WDR81: variants seen among roughly 807,000 people sequenced by gnomAD.
The protein encoded by WDR81 is WD repeat-containing protein 81.
Under a neutral mutation model 140.8 loss-of-function variants are expected in WDR81, and 92 were observed. That is an observed-to-expected ratio of 0.65 (90% CI 0.55 to 0.78). WDR81 has a LOEUF of 0.78. Ranked by LOEUF, WDR81 falls within the 30% of genes least tolerant of loss-of-function variation. The probability of loss-of-function intolerance (pLI) is 0.00; values close to 1 mark genes in which losing one functional copy is unlikely to be tolerated. For missense variants in WDR81, 2,502 were observed against 2,636.4 expected (o/e 0.95, Z 1.12); for synonymous variants, 1,183 against 1,156.4 (o/e 1.02, Z -0.47).
rs760895795 is a variant in WDR81, at chr17:1,737,466, C to T, written c.5607C>T (p.Ser1869=). 56 of 1,613,154 alleles carry T rather than the reference C, an allele frequency of 3.5e-5. No individual in the cohort carries two copies. The highest frequency in any genetic ancestry group is 4.4e-5 in the Non-Finnish European group (52 of 1,179,990). Residue 1869 remains serine (S), a synonymous_variant, in exon 10 of 10, where the codon TCC becomes TCT. Coordinates refer to ENST00000409644, the MANE Select transcript of WDR81 (RefSeq NM_001163809.2). ...CCACCCATCACTACAAGTCAGCATC[C>T]GACCCCATCCACACCTTTGACCTGT... is the stretch of plus-strand genomic sequence containing the variant. ...QKPTHHYKSA[S]DPIHTFDLYG...
At chr17:1,719,182 C>T (rs545890599) in intron 1 of WDR81, among the ~76,000 whole-genome samples, 1 of 152,372 alleles carries the variant, frequency 6.6e-6, no homozygotes, top group Non-Finnish European at 1.5e-5. Context: ...AATTTCCCCT[C>T]ATCTACAACA....
chr17:1,734,189 G>A lies in WDR81; in HGVS notation c.5152G>A (p.Ala1718Thr), dbSNP rs751023754. Reference protein sequence around the residue: ...APQHVVSCDGAVHVWDPFTGK... With the variant: ...APQHVVSCDGTVHVWDPFTGK... The stretch of plus-strand genomic sequence containing the variant: ...GCAGCACGTGGTGAGCTGTGACGGG[G>A]CTGTGCACGTCTGGGACCCCTTCAC... The change falls in exon 7 of 10, where the codon GCT (alanine) becomes ACT (threonine). Residue 1718 changes from alanine (A) to threonine (T), a missense_variant. Ala to Thr is a moderately conservative substitution (Grantham distance 58). Around this residue, in one of 3 missense-constraint regions of WDR81, gnomAD observed 1,737 missense variants for 1,843.0 expected, o/e 0.94. Transcript: ENST00000409644. 5.6e-6 allele frequency: 9 copies of A among 1,594,432 alleles called. No individual in the cohort carries two copies. Among genetic ancestry groups the A allele is most frequent in the East Asian group, 2.2e-5 (1 of 44,804 alleles).
chr17:1,728,424 A>C lies in WDR81; in HGVS notation c.3465A>C (p.Glu1155Asp). The C allele has an allele frequency of 6.2e-7, 1 of 1,612,426 alleles. No homozygotes were observed. The highest frequency in any genetic ancestry group is 8.5e-7 in the Non-Finnish European group (1 of 1,179,520). The change falls in exon 1 of 10, where the codon GAA becomes GAC. Residue 1155 changes from glutamate to aspartate, a missense_variant. Coordinates refer to ENST00000409644, the MANE Select transcript of WDR81 (RefSeq NM_001163809.2). ...AGCAAAGCGAGGGCTCCGAGGAGGAAGAGGAGGAGGAGGACAGCTGCGTGG... is the reference window on the plus strand; with the variant it reads ...AGCAAAGCGAGGGCTCCGAGGAGGACGAGGAGGAGGAGGACAGCTGCGTGG... The part of the protein sequence containing the change: ...DLKQSEGSEE[E>D]EEEEDSCVVL...
Position 1,737,520 on chromosome 17 carries a change from G to A in WDR81, c.5661G>A (p.Val1887=), listed in dbSNP as rs1471421026. The change falls in exon 10 of 10, where the codon GTG becomes GTA. Residue 1887 remains valine (V), a synonymous_variant. Transcript: ENST00000409644. The part of the protein sequence containing the change: ...LYGSEVVTGT[V]SNKIGVCSLL... Reference sequence around the variant, plus strand: ...GCAGCGAGGTGGTCACTGGCACCGTGTCCAACAAGATTGGCGTCTGCTCCC... The same window carrying A: ...GCAGCGAGGTGGTCACTGGCACCGTATCCAACAAGATTGGCGTCTGCTCCC... 6.2e-7 allele frequency: 1 copy of A among 1,613,098 alleles called. No individual in the cohort carries two copies. The highest frequency in any genetic ancestry group is 2.2e-5 in the East Asian group (1 of 44,888).
chr17:1,727,638 G>A lies in WDR81; in HGVS notation c.2679G>A (p.Glu893=). Residue 893 remains glutamate, a synonymous_variant, in exon 1 of 10, where the codon GAG becomes GAA. Transcript: ENST00000409644. ...TCCTGTACCAGGCAAGGCGTGTGGA[G>A]GACGAGGCCCAGGGGCGCGAGCTGG... ...FILLYQARRV[E]DEAQGRELVF... The A allele has an allele frequency of 6.4e-7, 1 of 1,550,580 alleles. No individual in the cohort carries two copies. The highest frequency in any genetic ancestry group is 8.7e-7 in the Non-Finnish European group (1 of 1,147,032).
chr17:1,716,794 G>A, intron 1 of WDR81: 1 of 816,740 alleles, frequency 1.2e-6, no homozygotes, highest in Non-Finnish European at 1.9e-6. Context: ...GAAAGGTGGA[G>A]CGGACCAAGG....
Position 1,735,619 on chromosome 17 carries a change from ACTGCGGTGG to A in WDR81, c.5231_5239del (p.Ala1744_Ala1746del). 1 of 1,612,726 alleles carries A rather than the reference ACTGCGGTGG, an allele frequency of 6.2e-7. No homozygotes were observed. The highest frequency in any genetic ancestry group is 8.5e-7 in the Non-Finnish European group (1 of 1,179,908). On this transcript the variant is annotated inframe_deletion, in exon 8 of 10. Transcript: ENST00000409644. This position sits in a 1 kb window ranked among gnomAD's most constrained non-coding sequence, Gnocchi z 4.2. Reference sequence around the variant, plus strand: ...GCCGCTGGACAGCCGGGTGCCCCTGACTGCGGTGGCTGTCATGCCCGCCCCCCACACCAG... The same window carrying A: ...GCCGCTGGACAGCCGGGTGCCCCTGACTGTCATGCCCGCCCCCCACACCAG...
chr17:1,720,818 A>G (rs1200640815), upstream of WDR81, among the ~76,000 whole-genome samples: 1 of 151,890 alleles, frequency 6.6e-6, no homozygotes, highest in Non-Finnish European at 1.5e-5. Context: ...CTACTGCCCT[A>G]GGGCTCAGAT....
Position 1,728,062 on chromosome 17 carries a change from G to T in WDR81, c.3103G>T (p.Gly1035Trp). Residue 1035 changes from glycine to tryptophan, a missense_variant, in exon 1 of 10, where the codon GGG (glycine) becomes TGG (tryptophan). Around this residue, in one of 3 missense-constraint regions of WDR81, gnomAD observed 1,737 missense variants for 1,843.0 expected, o/e 0.94. Transcript: ENST00000409644. ...LAGAAEEEES[G>W]LPGAGPGSCA... is the part of the protein sequence containing the mutation. ...AGGGGCTGCTGAGGAGGAGGAGAGCGGGCTGCCCGGGGCCGGGCCTGGCTC... is the reference window on the plus strand; with the variant it reads ...AGGGGCTGCTGAGGAGGAGGAGAGCTGGCTGCCCGGGGCCGGGCCTGGCTC... 2 of 1,576,204 alleles carry T rather than the reference G, an allele frequency of 1.3e-6. No individual in the cohort carries two copies. The highest frequency in any genetic ancestry group is 1.3e-5 in the African/African-American group (1 of 74,194).
Position 1,732,730 on chromosome 17 carries a change from GGCA to G in WDR81, c.4394_4396del (p.Gln1465del). The G allele has an allele frequency of 3.1e-6, 5 of 1,612,916 alleles. No homozygotes were observed. The highest frequency in any genetic ancestry group is 4.2e-6 in the Non-Finnish European group (5 of 1,179,950). On this transcript the variant is annotated inframe_deletion, in exon 6 of 10. Coordinates refer to ENST00000409644, the MANE Select transcript of WDR81 (RefSeq NM_001163809.2). ...CTGCCACAGGTGGTCTTCTCTGATG[GGCA>G]GCAGCGGCCCGTGGACCCCGCCCTG...
chr17:1,718,966 G>A (rs952240422), intron 1 of WDR81, among the ~76,000 whole-genome samples: 1 of 152,112 alleles, frequency 6.6e-6, no homozygotes, highest in Non-Finnish European at 1.5e-5. Context: ...GTGCACAATA[G>A]GACATCCACG....
rs181820331 is a variant in WDR81, at chr17:1,737,145, C to T, written c.5506-220C>T. On this transcript the variant is annotated intron_variant, in intron 9 of 9. Transcript: ENST00000409644. Reference sequence around the variant, plus strand: ...GTGCACGCCTGGCACCATGCCTGTGCGTAGTTCTCAAGTTAGAGTGACGAC... The same window carrying T: ...GTGCACGCCTGGCACCATGCCTGTGTGTAGTTCTCAAGTTAGAGTGACGAC... Among the ~76,000 whole-genome samples the T allele has an allele frequency of 7.7e-3, 1,177 of 152,242 alleles. 15 individuals carry two copies. Among genetic ancestry groups the T allele is most frequent in the African/African-American group, 0.027 (1,121 of 41,528 alleles).
In WDR81 at chr17:1,725,921, G is replaced by A. The variant is rs746089189; in HGVS notation, c.962G>A (p.Arg321Lys). Residue 321 changes from arginine to lysine, a missense_variant, in exon 1 of 10, where the codon AGG (arginine) becomes AAG (lysine). By Grantham distance (26) the Arg-to-Lys change is conservative. Transcript: ENST00000409644. ...EDENEEAPVARDEAGIVSQEE... is the reference protein window; with the variant it reads ...EDENEEAPVAKDEAGIVSQEE... ...GAGAATGAGGAGGCCCCTGTGGCAA[G>A]GGATGAGGCGGGCATTGTGTCTCAA... 1 of 1,550,728 alleles carries A rather than the reference G, an allele frequency of 6.4e-7. No homozygotes were observed. The highest frequency in any genetic ancestry group is 1.4e-5 in the African/African-American group (1 of 73,054).
At position 1,726,396 on chromosome 17, in the gene WDR81, C is replaced by G; in HGVS notation, c.1437C>G (p.Ser479Arg). ...AQWEPHEYPA[S>R]MERMQNWTPD... Reference sequence around the variant, plus strand: ...GGGAGCCCCATGAGTATCCGGCCAGCATGGAGCGGATGCAGAACTGGACCC... The same window carrying G: ...GGGAGCCCCATGAGTATCCGGCCAGGATGGAGCGGATGCAGAACTGGACCC... The change falls in exon 1 of 10, where the codon AGC becomes AGG. Residue 479 changes from serine (S) to arginine (R), a missense_variant. Coordinates refer to ENST00000409644, the MANE Select transcript of WDR81 (RefSeq NM_001163809.2). 1 of 1,550,248 alleles carries G rather than the reference C, an allele frequency of 6.5e-7. No individual in the cohort carries two copies. Among genetic ancestry groups the G allele is most frequent in the Non-Finnish European group, 8.7e-7 (1 of 1,146,910 alleles).
chr17:1,725,404 A>C lies in WDR81; in HGVS notation c.445A>C (p.Asn149His). 2 of 1,549,654 alleles carry C rather than the reference A, an allele frequency of 1.3e-6. No homozygotes were observed. Among genetic ancestry groups the C allele is most frequent in the Non-Finnish European group, 1.7e-6 (2 of 1,146,986 alleles). Residue 149 changes from asparagine to histidine, a missense_variant, in exon 1 of 10, where the codon AAC (asparagine) becomes CAC (histidine). Coordinates refer to ENST00000409644, the MANE Select transcript of WDR81 (RefSeq NM_001163809.2). ...GGAGGTTGCCGCCCAGAATTATCGC[A>C]ACCTGTGGCGCCATGCATACCACAC... ...MQEVAAQNYR[N>H]LWRHAYHTYG...
In WDR81 at chr17:1,730,680, C is replaced by G. The variant is rs546833180; in HGVS notation, c.3776-75C>G. On this transcript the variant is annotated intron_variant, in intron 2 of 9. Transcript: ENST00000409644. ...CCCAGCTAGAGTGAGCTCAAGCGGC[C>G]AGCACAGCCCTGCAGGGCCAGGCTA... The G allele has an allele frequency of 1.2e-3, 1,759 of 1,505,792 alleles. 36 individuals are homozygous for G. In the South Asian group the frequency reaches 0.021, roughly 18 times the overall value. The allele number at this position is 1,505,792 out of a possible 1,614,324, so 93.3% of individuals were successfully genotyped here. A position where few individuals can be genotyped will look rare whatever the true frequency, so the allele number is the denominator to read the frequency against.
Position 1,730,430 on chromosome 17 carries a change from G to A in WDR81, c.3718G>A (p.Val1240Met). The A allele has an allele frequency of 1.2e-6, 2 of 1,613,240 alleles. No homozygotes were observed. The highest frequency in any genetic ancestry group is 1.7e-6 in the Non-Finnish European group (2 of 1,179,946). Residue 1240 changes from valine to methionine, a missense_variant, in exon 2 of 10, where the codon GTG (valine) becomes ATG (methionine). Physicochemically the swap from Val to Met is conservative, Grantham distance 21 (BLOSUM62 1). This residue lies in a region of WDR81 where 1,737 missense variants were observed against 1,843.0 expected (regional missense o/e 0.94). Transcript: ENST00000409644. ...GCTGTCTGCCAAGCTCGGCCCCACA[G>A]TGGCCTCTCGCCACGTGGCCCGGAA... ...RWLSAKLGPTVASRHVARNLL... is the reference protein window; with the variant it reads ...RWLSAKLGPTMASRHVARNLL...
At chr17:1,720,548 G>T (rs1426382219), upstream of WDR81, among the ~76,000 whole-genome samples, 2 of 152,046 alleles carry the variant, frequency 1.3e-5, no homozygotes, top group East Asian at 1.9e-4. Flanking sequence ...AGGCGGAGGC[G>T]GGCGGATCAT....
Position 1,733,841 on chromosome 17 carries a change from C to A in WDR81, c.4804C>A (p.Leu1602Met), listed in dbSNP as rs1441580966. 1 of 1,612,636 alleles carries A rather than the reference C, an allele frequency of 6.2e-7. No individual in the cohort carries two copies. The highest frequency in any genetic ancestry group is 1.7e-5 in the Admixed American group (1 of 60,010). Residue 1602 changes from leucine to methionine, a missense_variant, in exon 7 of 10, where the codon CTG (leucine) becomes ATG (methionine). By Grantham distance (15) the Leu-to-Met change is conservative. Transcript: ENST00000409644. The stretch of plus-strand genomic sequence containing the variant: ...GGGCAGCGGGAGCGACGACAACGCC[C>A]TGAAGCAGGAGCTGCCGCGGAGCGT... ...GLGSGSDDNA[L>M]KQELPRSVHG...
Sources: allele counts gnomAD v4.1 joint callset (sites outside exome capture counted in the v4.1 genomes callset), GRCh38; gene constraint gnomAD v4.1.1; regional missense constraint gnomAD v4.1.1; non-coding constraint Gnocchi (gnomAD v3.1); transcripts MANE v1.5; gene names NCBI Gene and HGNC (gene_info 2026-07-23, HGNC 2026-07-21).